The following OTUD7A variants were observed in gnomAD, a reference collection of about 807,000 sequenced individuals.
The protein encoded by OTUD7A is OTU domain-containing protein 7A.
In OTUD7A, 12 loss-of-function variants were observed where a neutral mutation model predicts 65.7. That is an observed-to-expected ratio of 0.18 (90% CI 0.12 to 0.30). The LOEUF (loss-of-function observed/expected upper bound fraction) is 0.30. Ranked by LOEUF, OTUD7A falls within the 10% of genes least tolerant of loss-of-function variation. The pLI, the probability that OTUD7A is intolerant of heterozygous loss-of-function variation, is 1.00. For missense variants in OTUD7A, 1,148 were observed against 1,304.8 expected, an observed-to-expected ratio of 0.88 and a Z score of 1.85; for synonymous variants, 641 against 586.3, an observed-to-expected ratio of 1.09 and a Z score of -1.35.
intron 3 of OTUD7A, among the ~76,000 whole-genome samples, chr15:31,593,159 A>G (rs1275363176): frequency 6.6e-6 from 1 of 151,952 alleles, no homozygotes; most frequent in Non-Finnish European, 1.5e-5. Context: ...GACAGCTACA[A>G]TGTCATTCGG....
chr15:31,629,426 C>A (rs1891070551), intron 3 of OTUD7A, among the ~76,000 whole-genome samples: 1 of 152,226 alleles, frequency 6.6e-6, no homozygotes, highest in Admixed American at 6.5e-5. Context: ...ACCAGCCTTG[C>A]ATCCCAGGGA....
chr15:31,797,022 C>A (rs572900385), intron 1 of OTUD7A, among the ~76,000 whole-genome samples: 1 of 152,316 alleles, frequency 6.6e-6, no homozygotes, highest in South Asian at 2.1e-4. Context: ...GCGTGAGCCA[C>A]GGCACCTGGC....
At chr15:31,499,708 C>T (rs993506973) in intron 10 of OTUD7A, among the ~76,000 whole-genome samples, 2 of 152,232 alleles carry the variant, frequency 1.3e-5, no homozygotes, top group South Asian at 2.1e-4. Context: ...TGCAGCCTGG[C>T]CACAGGATGG....
intron 1 of OTUD7A, among the ~76,000 whole-genome samples, chr15:31,759,154 G>A (rs1385970020): frequency 6.6e-6 from 1 of 152,080 alleles, no homozygotes; most frequent in Non-Finnish European, 1.5e-5. Flanking sequence ...GTATTTCCAG[G>A]CCTCGAGGTC....
At chr15:31,657,197 T>G (rs1038907860) in intron 1 of OTUD7A, 120 bp from the exon 2 acceptor site, 4 of 152,554 alleles carry the variant, frequency 2.6e-5, no homozygotes, top group African/African-American at 9.6e-5. Flanking sequence ...CTGAGGCATG[T>G]ACTCTGTCTT....
In OTUD7A at chr15:31,735,420, C is replaced by T. The variant is rs368457436; in HGVS notation, c.-99-78343G>A. Among the ~76,000 whole-genome samples, 6 of 151,602 alleles carry T rather than the reference C, an allele frequency of 4.0e-5. No homozygotes were observed. In the South Asian group the frequency reaches 8.3e-4, roughly 21 times the overall value. ...GCACACGCCTGTAATCCCAGCTACT[C>T]GGGAGGCTGATGCAGGGGAATTGCT... On this transcript the variant is annotated intron_variant, in intron 1 of 12. Transcript: ENST00000307050.
intron 1 of OTUD7A, among the ~76,000 whole-genome samples, chr15:31,734,614 A>G (rs1439582570): frequency 6.6e-6 from 1 of 152,182 alleles, no homozygotes; most frequent in East Asian, 1.9e-4. Context: ...ACCTTCAACC[A>G]TTTAATCTTT....
chr15:31,654,623 A>T lies in OTUD7A; in HGVS notation c.151+473T>A, dbSNP rs1205996977. 2.0e-5 allele frequency among the ~76,000 whole-genome samples: 3 copies of T among 152,188 alleles called. No homozygotes were observed. In the East Asian group the frequency reaches 5.8e-4, roughly 29 times the overall value. On this transcript the variant is annotated intron_variant, in intron 3 of 12. Coordinates refer to ENST00000307050, the MANE Select transcript of OTUD7A (RefSeq NM_001382637.1). ...GTAAATCCATTTTAGAGACATAGAA[A>T]CTACACTTTCATTTTAGTTCACTAT...
chr15:31,622,230 C>T (rs1348639639), intron 3 of OTUD7A, among the ~76,000 whole-genome samples: 2 of 152,104 alleles, frequency 1.3e-5, no homozygotes, highest in South Asian at 2.1e-4. Context: ...GTGAATCTGA[C>T]AATTATGTGT....
At chr15:31,494,533 C>T (rs1311414229) in intron 10 of OTUD7A, among the ~76,000 whole-genome samples, 1 of 152,212 alleles carries the variant, frequency 6.6e-6, no homozygotes, top group Non-Finnish European at 1.5e-5. Flanking sequence ...GGAAAAAGTG[C>T]TGACCAGAAT....
intron 1 of OTUD7A, among the ~76,000 whole-genome samples, chr15:31,695,097 G>A (rs1001836684): frequency 2.6e-5 from 4 of 152,214 alleles, no homozygotes; most frequent in East Asian, 1.9e-4. Context: ...CGCCCACCTC[G>A]GCCTCCCAAA....
intron 4 of OTUD7A, among the ~76,000 whole-genome samples, chr15:31,560,220 A>C (rs1023222024): frequency 1.3e-5 from 2 of 152,256 alleles, no homozygotes; most frequent in African/African-American, 4.8e-5. Flanking sequence ...AGGTTGTTTT[A>C]CTAAAGTTAC....
chr15:31,861,724 CCAAGGGAT>C (rs1443225018), intron 1 of OTUD7A, among the ~76,000 whole-genome samples: 1 of 151,930 alleles, frequency 6.6e-6, no homozygotes, highest in African/African-American at 2.4e-5. Flanking sequence ...GGACATATTT[CCAAGGGAT>C]TAAGTACAGC....
intron 3 of OTUD7A, among the ~76,000 whole-genome samples, chr15:31,602,074 A>G (rs1444811056): frequency 3.3e-5 from 5 of 152,208 alleles, no homozygotes; most frequent in Admixed American, 3.3e-4. Flanking sequence ...AATCAATAGA[A>G]AAAGAGAGAG....
intron 8 of OTUD7A, among the ~76,000 whole-genome samples, chr15:31,513,427 C>A (rs2041791522): frequency 6.6e-6 from 1 of 152,218 alleles, no homozygotes; most frequent in Admixed American, 6.5e-5. Context: ...GTGTGTGTGC[C>A]AGCTGTCCCA....
intron 1 of OTUD7A, among the ~76,000 whole-genome samples, chr15:31,672,118 A>G (rs977264809): frequency 3.9e-5 from 6 of 152,254 alleles, no homozygotes; most frequent in Admixed American, 2.6e-4. Flanking sequence ...TATAGTTAAT[A>G]TTATATACAT....
intron 4 of OTUD7A, among the ~76,000 whole-genome samples, chr15:31,568,658 C>A (rs187876493): frequency 6.6e-6 from 1 of 152,186 alleles, no homozygotes; most frequent in Admixed American, 6.5e-5. Context: ...TATTGAAATG[C>A]AATCCGCCAT....
rs2041087352 is a variant in OTUD7A at position 31,479,680 on chromosome 15, G to GCCCATGAC, written c.*3606_*3613dup. On this transcript the variant is annotated 3_prime_UTR_variant, in exon 13 of 13. Coordinates refer to ENST00000307050, the MANE Select transcript of OTUD7A (RefSeq NM_001382637.1). Reference sequence around the variant, plus strand: ...ACTAAGTGGGGGGGGGGGGTGATGGGCCCATGACCCCTCCCCAGAGACAGG... The same window carrying GCCCATGAC: ...ACTAAGTGGGGGGGGGGGGTGATGGGCCCATGACCCCATGACCCCTCCCCAGAGACAGG... 1 of 149,942 alleles carries GCCCATGAC rather than the reference G, an allele frequency of 6.7e-6. No homozygotes were observed. The highest frequency in any genetic ancestry group is 1.5e-5 in the Non-Finnish European group (1 of 67,502). The allele number at this position is 149,942 out of a possible 1,614,324, so 9.3% of individuals were successfully genotyped here. A position where few individuals can be genotyped will look rare whatever the true frequency, so the allele number is the denominator to read the frequency against.
At chr15:31,717,735 T>C (rs905208213) in intron 1 of OTUD7A, among the ~76,000 whole-genome samples, 4 of 152,230 alleles carry the variant, frequency 2.6e-5, no homozygotes, top group African/African-American at 9.7e-5. Context: ...GAATGATTTA[T>C]ATACCTTTGG....
Sources: gnomAD v4.1 joint callset for allele counts (sites outside exome capture counted in the v4.1 genomes callset) on GRCh38, gnomAD v4.1.1 for gene constraint, MANE v1.5 for transcripts, NCBI Gene and HGNC (gene_info 2026-07-23, HGNC 2026-07-21) for gene names.